The following GRM8 variants were observed in gnomAD, a reference collection of about 807,000 sequenced individuals.
GRM8 encodes the protein glutamate metabotropic receptor 8.
A neutral mutation model predicts 87.2 loss-of-function variants in GRM8; 47 were observed. The observed-to-expected ratio is 0.54, with a 90% CI of 0.43 to 0.69. The LOEUF is 0.69. GRM8 is among the 30% of genes least tolerant of loss of function. The pLI, the probability that GRM8 is intolerant of heterozygous loss-of-function variation, is 0.00. For missense variants in GRM8, 1,019 were observed against 1,139.2 expected, an observed-to-expected ratio of 0.89 and a Z score of 1.52; for synonymous variants, 396 against 404.5, an observed-to-expected ratio of 0.98 and a Z score of 0.25.
intron 6 of GRM8, among the ~76,000 whole-genome samples, chr7:126,791,097 G>A (rs1160097277): frequency 1.3e-5 from 2 of 152,190 alleles, no homozygotes; most frequent in South Asian, 2.1e-4. Flanking sequence ...TGAATAGAGT[G>A]TCACTCCCAC....
At chr7:127,189,006 A>T (rs1378916766) in intron 2 of GRM8, among the ~76,000 whole-genome samples, 1 of 152,220 alleles carries the variant, frequency 6.6e-6, no homozygotes, top group Non-Finnish European at 1.5e-5. Flanking sequence ...TTGTATCGTA[A>T]ATCCAAAACT....
At chr7:127,130,438 C>A (rs1827623053) in intron 2 of GRM8, among the ~76,000 whole-genome samples, 1 of 152,082 alleles carries the variant, frequency 6.6e-6, no homozygotes, top group South Asian at 2.1e-4. Context: ...GTGATATGGA[C>A]AATGAAGTCC....
chr7:126,983,495 T>C (rs1467367739), intron 3 of GRM8, among the ~76,000 whole-genome samples: 3 of 151,672 alleles, frequency 2.0e-5, no homozygotes, highest in African/African-American at 7.3e-5. Flanking sequence ...GTGGCACCTC[T>C]TATTATCACC....
intron 6 of GRM8, chr7:126,869,932 TTAAAAAAA>T (rs1252988456): frequency 2.0e-4 from 13 of 65,984 alleles, no homozygotes; most frequent in African/African-American, 9.5e-4. Context: ...TCCTCATAGA[TTAAAAAAA>T]AAAAAAAAAA....
intron 7 of GRM8, among the ~76,000 whole-genome samples, chr7:126,760,524 T>C (rs142261715): frequency 5.3e-4 from 81 of 152,278 alleles, no homozygotes; most frequent in African/African-American, 1.9e-3. Context: ...ATGGGTAAGA[T>C]TAATACTTTA....
chr7:126,852,389 A>G (rs1421111967), intron 6 of GRM8, among the ~76,000 whole-genome samples: 1 of 152,192 alleles, frequency 6.6e-6, no homozygotes, highest in East Asian at 1.9e-4. Context: ...ACAAACAAAC[A>G]AACACAAAAA....
At chr7:126,859,555 T>A (rs1198843283) in intron 6 of GRM8, among the ~76,000 whole-genome samples, 1 of 152,200 alleles carries the variant, frequency 6.6e-6, no homozygotes, top group Non-Finnish European at 1.5e-5. Context: ...TATCATTCTG[T>A]TTTATAAAGG....
chr7:126,927,049 T>C (rs1404829145), intron 3 of GRM8, among the ~76,000 whole-genome samples: 1 of 152,254 alleles, frequency 6.6e-6, no homozygotes, highest in African/African-American at 2.4e-5. Flanking sequence ...AACCAATAAA[T>C]AAATGAATGC....
chr7:127,075,186 G>T (rs1822130619), intron 3 of GRM8, among the ~76,000 whole-genome samples: 1 of 152,164 alleles, frequency 6.6e-6, no homozygotes, highest in Admixed American at 6.5e-5. Flanking sequence ...TGGGAGATGG[G>T]ATGGTGGCAG....
intron 3 of GRM8, among the ~76,000 whole-genome samples, chr7:127,047,180 CA>C (rs1819012332): frequency 1.3e-5 from 2 of 152,172 alleles, no homozygotes; most frequent in Non-Finnish European, 2.9e-5. Context: ...CATCTGATAA[CA>C]TATTACCCAT....
intron 8 of GRM8, among the ~76,000 whole-genome samples, chr7:126,577,564 C>CA (rs34381080): frequency 6.7e-4 from 98 of 146,826 alleles, no homozygotes; most frequent in Middle Eastern, 6.9e-3. Context: ...TGATTTACTC[C>CA]AAAAAAAAAA....
chr7:126,666,369 C>A (rs1805770358), intron 7 of GRM8, among the ~76,000 whole-genome samples: 1 of 151,968 alleles, frequency 6.6e-6, no homozygotes, highest in African/African-American at 2.4e-5. Context: ...ATGTGCCAAG[C>A]CTGAAAAATT....
chr7:126,578,780 C>T (rs918989631), intron 8 of GRM8, among the ~76,000 whole-genome samples: 2 of 152,000 alleles, frequency 1.3e-5, no homozygotes, highest in African/African-American at 2.4e-5. Flanking sequence ...TAATTCAGTT[C>T]TCTAATTTTA....
chr7:126,701,753 T>G (rs1295181306), intron 7 of GRM8: 3 of 1,222,718 alleles, frequency 2.5e-6, no homozygotes, highest in Non-Finnish European at 3.3e-6. Context: ...ACCAAAATTC[T>G]TACCCAACTA....
At chr7:127,237,850 T>C (rs1798065396) in intron 2 of GRM8, among the ~76,000 whole-genome samples, 2 of 152,222 alleles carry the variant, frequency 1.3e-5, no homozygotes, top group African/African-American at 2.4e-5. Context: ...ACCTCCAGCA[T>C]CAATGTGCTA....
chr7:126,993,165 C>T (rs527442030), intron 3 of GRM8, among the ~76,000 whole-genome samples: 1 of 152,096 alleles, frequency 6.6e-6, no homozygotes, highest in East Asian at 1.9e-4. Context: ...CCCACTAGGC[C>T]TATATGACCC....
chr7:126,814,552 G>A (rs928832733), intron 6 of GRM8, among the ~76,000 whole-genome samples: 1 of 152,018 alleles, frequency 6.6e-6, no homozygotes, highest in African/African-American at 2.4e-5. Context: ...TCCAGAAAAA[G>A]ATGATCTTGG....
chr7:126,654,395 C>T (rs1804270286), intron 7 of GRM8, among the ~76,000 whole-genome samples: 1 of 152,156 alleles, frequency 6.6e-6, no homozygotes, highest in African/African-American at 2.4e-5. Context: ...TTAAGGTCAA[C>T]CTCTAGTTCC....
chr7:126,963,550 G>A (rs1563359126), intron 3 of GRM8, among the ~76,000 whole-genome samples: 1 of 152,092 alleles, frequency 6.6e-6, no homozygotes, highest in Non-Finnish European at 1.5e-5. Flanking sequence ...GCCAAATCAT[G>A]AGTGAACTCC....
Sources: allele counts gnomAD v4.1 joint callset (sites outside exome capture counted in the v4.1 genomes callset), GRCh38; gene constraint gnomAD v4.1.1; transcripts MANE v1.5; gene names NCBI Gene and HGNC (gene_info 2026-07-23, HGNC 2026-07-21).